TRERF1: variants seen among roughly 807,000 people sequenced by gnomAD.
The protein encoded by TRERF1 is transcriptional regulating factor 1, also known as transcriptional-regulating factor 1.
TRERF1 carries 27 observed loss-of-function variants against 122.9 expected under a neutral mutation model. That is an observed-to-expected ratio of 0.22 (90% CI 0.16 to 0.30). The LOEUF is 0.30. Ranked by LOEUF, TRERF1 falls within the 10% of genes least tolerant of loss-of-function variation. The pLI, the probability that TRERF1 is intolerant of heterozygous loss-of-function variation, is 1.00. For synonymous variants in TRERF1, 636 were observed against 641.7 expected (o/e 0.99, Z 0.13); for missense variants, 1,248 against 1,560.3 (o/e 0.80, Z 3.37).
At chr6:42,264,163 A>T (rs946103830) in intron 7 of TRERF1, among the ~76,000 whole-genome samples, 1 of 152,220 alleles carries the variant, frequency 6.6e-6, no homozygotes, top group Non-Finnish European at 1.5e-5. Flanking sequence ...TTCTGAGAAA[A>T]TTTTTTGATT....
chr6:42,435,300 C>CATT (rs1347724692), intron 2 of TRERF1, among the ~76,000 whole-genome samples: 1 of 152,146 alleles, frequency 6.6e-6, no homozygotes, highest in African/African-American at 2.4e-5. Flanking sequence ...ACGGCTAAAA[C>CATT]ATTAATTAAG....
rs115021182 is a variant in TRERF1 at position 42,297,415 on chromosome 6, G to A, written c.-259+3223C>T. ...CCCTGAGGGTTTCTGCTGAAACCTG[G>A]AGATTCTAAGTTTCCCAATGACAGC... is the stretch of plus-strand genomic sequence containing the variant. On this transcript the variant is annotated intron_variant, in intron 4 of 17. Transcript: ENST00000372922. 9.6e-3 allele frequency among the ~76,000 whole-genome samples: 1,457 copies of A among 152,292 alleles called. 19 individuals carry two copies. The highest frequency in any genetic ancestry group is 0.032 in the African/African-American group (1,342 of 41,548).
At chr6:42,285,198 A>G (rs1328723393) in intron 4 of TRERF1, among the ~76,000 whole-genome samples, 1 of 152,094 alleles carries the variant, frequency 6.6e-6, no homozygotes, top group African/African-American at 2.4e-5. Flanking sequence ...GGTCCTTCAC[A>G]TCCCTTGTAA....
intron 3 of TRERF1, among the ~76,000 whole-genome samples, chr6:42,360,405 C>A (rs960025078): frequency 6.6e-6 from 1 of 152,288 alleles, no homozygotes; most frequent in Non-Finnish European, 1.5e-5. Context: ...GAAGGTCGTA[C>A]GTTTTAAGAC....
At position 42,275,885 on chromosome 6, in the gene TRERF1, C is replaced by T. The variant is rs1012548705; in HGVS notation, c.-258-6037G>A. Among the ~76,000 whole-genome samples, 13 of 152,230 alleles carry T rather than the reference C, an allele frequency of 8.5e-5. No homozygotes were observed. The highest frequency in any genetic ancestry group is 2.7e-4 in the African/African-American group (11 of 41,456). On this transcript the variant is annotated intron_variant, in intron 4 of 17. Transcript: ENST00000372922. This position sits in a 1 kb window ranked among gnomAD's most constrained non-coding sequence, Gnocchi z 4.1. ...CAACGCTGCCACGGTAGCGTGAAAG[C>T]GGCCACAGACCATATATAAATGAAT...
intron 3 of TRERF1, among the ~76,000 whole-genome samples, chr6:42,321,567 A>G (rs1763461418): frequency 2.0e-5 from 3 of 152,270 alleles, no homozygotes; most frequent in Admixed American, 2.0e-4. Flanking sequence ...AAATGCCTTC[A>G]GCGTCATGCA....
Position 42,269,165 on chromosome 6 carries a change from C to G in TRERF1, c.426G>C (p.Lys142Asn). 6.2e-7 allele frequency: 1 copy of G among 1,614,236 alleles called. No individual in the cohort carries two copies. The highest frequency in any genetic ancestry group is 8.5e-7 in the Non-Finnish European group (1 of 1,180,044). Residue 142 changes from lysine to asparagine, a missense_variant, in exon 5 of 18, where the codon AAG (lysine) becomes AAC (asparagine). Lys to Asn is a moderately conservative substitution (Grantham distance 94). Coordinates refer to ENST00000372922, the Ensembl canonical transcript of TRERF1. This position sits in a 1 kb window ranked among gnomAD's most constrained non-coding sequence, Gnocchi z 4.9. The stretch of plus-strand genomic sequence containing the variant: ...CAAACACCTGGGTGAAAGAGTCCAG[C>G]TTGTGTAAGACACCGCTGGTAAGCT...
chr6:42,394,034 C>A (rs1335709803), intron 2 of TRERF1, among the ~76,000 whole-genome samples: 1 of 151,960 alleles, frequency 6.6e-6, no homozygotes, highest in African/African-American at 2.4e-5. Context: ...CAACTTATTT[C>A]TGTTAACAGG....
chr6:42,244,389 G>A (rs1338663145), intron 14 of TRERF1, among the ~76,000 whole-genome samples: 2 of 152,018 alleles, frequency 1.3e-5, no homozygotes, highest in Non-Finnish European at 2.9e-5. Flanking sequence ...TCTACATGTT[G>A]GTCAGGCTGG....
chr6:42,263,260 A>G lies in TRERF1; in HGVS notation c.1884+60T>C, dbSNP rs898165419. The G allele has an allele frequency of 2.0e-6, 3 of 1,536,268 alleles. No homozygotes were observed. The highest frequency in any genetic ancestry group is 1.8e-6 in the Non-Finnish European group (2 of 1,135,290). ...CAGGTGGGGCAGAGCAGCAACTCAC[A>G]GCAGGCGTGCGGGGGGCAGCCCCTT... On this transcript the variant is annotated intron_variant, in intron 8 of 17. Transcript: ENST00000372922. The surrounding 1 kb of genome is among the most constrained non-coding windows in gnomAD (Gnocchi z 5.6).
At chr6:42,331,348 G>C (rs752580328) in intron 3 of TRERF1, among the ~76,000 whole-genome samples, 2 of 152,162 alleles carry the variant, frequency 1.3e-5, no homozygotes, top group Non-Finnish European at 2.9e-5. Flanking sequence ...GGAAGCCAGG[G>C]GAGTGCAGGG....
chr6:42,421,400 C>T (rs1050256715), intron 2 of TRERF1, among the ~76,000 whole-genome samples: 1 of 152,184 alleles, frequency 6.6e-6, no homozygotes, highest in Non-Finnish European at 1.5e-5. Context: ...GAAACAAATG[C>T]TGACCCATGT....
Position 42,232,749 on chromosome 6 carries a change from T to C in TRERF1, c.3210A>G (p.Ser1070=). 3 of 1,610,920 alleles carry C rather than the reference T, an allele frequency of 1.9e-6. No homozygotes were observed. Among genetic ancestry groups the C allele is most frequent in the Non-Finnish European group, 2.5e-6 (3 of 1,177,458 alleles). ...CGCCGCTGGTGGTGCTGTGAGAGGGTGAGCTCTTTACCGAACAGTACCCAC... is the reference window on the plus strand; with the variant it reads ...CGCCGCTGGTGGTGCTGTGAGAGGGCGAGCTCTTTACCGAACAGTACCCAC... The change falls in exon 17 of 18, where the codon TCA becomes TCG. Residue 1070 remains serine, a synonymous_variant. Coordinates refer to ENST00000372922, the Ensembl canonical transcript of TRERF1. The surrounding 1 kb of genome is among the most constrained non-coding windows in gnomAD (Gnocchi z 4.5).
In TRERF1 at chr6:42,232,999, G is replaced by A. The variant is rs1393774347; in HGVS notation, c.3067-107C>T. 25 of 1,430,364 alleles carry A rather than the reference G, an allele frequency of 1.7e-5. No homozygotes were observed. Among genetic ancestry groups the A allele is most frequent in the Non-Finnish European group, 2.2e-5 (24 of 1,087,368 alleles). The allele number at this position is 1,430,364 out of a possible 1,614,324, so 88.6% of individuals were successfully genotyped here. A position where few individuals can be genotyped will look rare whatever the true frequency, so the allele number is the denominator to read the frequency against. ...AATACTTGAAACTGTCTAATGACAG[G>A]GCACAAGGGTTTTATATAAGCAAAC... On this transcript the variant is annotated intron_variant, in intron 16 of 17. Coordinates refer to ENST00000372922, the Ensembl canonical transcript of TRERF1. The surrounding 1 kb of genome is among the most constrained non-coding windows in gnomAD (Gnocchi z 4.5).
At chr6:42,337,109 C>T (rs1169492015) in intron 3 of TRERF1, among the ~76,000 whole-genome samples, 1 of 152,146 alleles carries the variant, frequency 6.6e-6, no homozygotes, top group African/African-American at 2.4e-5. Flanking sequence ...GCACCCTGAG[C>T]TCCTTGGTGG....
At chr6:42,406,769 T>G (rs941341354) in intron 2 of TRERF1, among the ~76,000 whole-genome samples, 36 of 126,606 alleles carry the variant, frequency 2.8e-4, no homozygotes, top group Non-Finnish European at 2.1e-4. Context: ...CCCACCCCCC[T>G]CCTCCCCAGC....
At chr6:42,360,953 A>G (rs1771644407) in intron 3 of TRERF1, among the ~76,000 whole-genome samples, 1 of 151,854 alleles carries the variant, frequency 6.6e-6, no homozygotes, top group Non-Finnish European at 1.5e-5. Flanking sequence ...CAGAATTAGG[A>G]TTTTTGGTAG....
chr6:42,434,685 C>G (rs1238417198), intron 2 of TRERF1, among the ~76,000 whole-genome samples: 2 of 150,746 alleles, frequency 1.3e-5, no homozygotes, highest in African/African-American at 2.5e-5. Flanking sequence ...CACACACACA[C>G]ACACACACAC....
At chr6:42,362,294 C>T (rs541033143) in intron 3 of TRERF1, among the ~76,000 whole-genome samples, 73 of 152,308 alleles carry the variant, frequency 4.8e-4, no homozygotes, top group African/African-American at 1.4e-3. Context: ...GAATGGAAAG[C>T]GTGGCACATG....
Sources: allele counts gnomAD v4.1 joint callset (sites outside exome capture counted in the v4.1 genomes callset), GRCh38; gene constraint gnomAD v4.1.1; non-coding constraint Gnocchi (gnomAD v3.1); transcripts MANE v1.5; gene names NCBI Gene and HGNC (gene_info 2026-07-23, HGNC 2026-07-21).